TRAPPC4: variants seen among roughly 807,000 people sequenced by gnomAD.
The protein encoded by TRAPPC4 is trafficking protein particle complex subunit 4, also known as TRS23 homolog.
TRAPPC4 carries 30 observed loss-of-function variants against 23.5 expected under a neutral mutation model. The ratio of observed to expected loss-of-function variants is 1.28; its 90% CI spans 0.96 to 1.73. TRAPPC4 has a LOEUF of 1.73. TRAPPC4 is among the 40% of genes most tolerant of loss of function. The pLI is 0.00. For missense variants in TRAPPC4, 252 were observed against 268.9 expected, an observed-to-expected ratio of 0.94 and a Z score of 0.44; for synonymous variants, 129 against 105.3, an observed-to-expected ratio of 1.23 and a Z score of -1.38.
chr11:119,019,443 T>TCCA lies in TRAPPC4; in HGVS notation c.350+127_350+128insCAC, dbSNP rs147743604. 8,764 of 1,087,760 alleles carry TCCA rather than the reference T, an allele frequency of 8.1e-3. 464 individuals are homozygous for TCCA. In the African/African-American group the frequency reaches 0.12, roughly 15 times the overall value. The allele number at this position is 1,087,760 out of a possible 1,614,324, so 67.4% of individuals were successfully genotyped here. ...ATTTTAGGTAATAACGGCAGTGGTG[T>TCCA]CATCTTTTTTTGCTGGGTGGGGAGG... On this transcript the variant is annotated intron_variant, in intron 2 of 4. Transcript: ENST00000533632.
At chr11:119,023,295 T>C (rs1485811326) in intron 4 of TRAPPC4, 26 bp from the exon 5 acceptor site, 13 of 1,613,254 alleles carry the variant, frequency 8.1e-6, no homozygotes, top group Non-Finnish European at 1.1e-5. Context: ...CTCACACTTT[T>C]TTTCCTCACC....
intron 4 of TRAPPC4, 128 bp downstream of exon 4, chr11:119,022,014 C>G (rs1943372725): frequency 7.2e-6 from 9 of 1,245,596 alleles, no homozygotes; most frequent in Middle Eastern, 2.0e-4. Flanking sequence ...GACGGAGTTT[C>G]GCTCTTGTTG....
Position 119,021,781 on chromosome 11 carries a change from C to A in TRAPPC4, c.476C>A (p.Ala159Glu). ...TLTGIKFVVL[A>E]DPRQAGIDSL... ...CCAGGGATCAAGTTTGTGGTTCTAG[C>A]AGATCCTAGGCAAGCTGGAATAGAT... The change falls in exon 4 of 5, where the codon GCA becomes GAA. Residue 159 changes from alanine to glutamate, a missense_variant. Ala to Glu is a moderately radical substitution (Grantham distance 107). Transcript: ENST00000533632. 1 of 1,614,126 alleles carries A rather than the reference C, an allele frequency of 6.2e-7. No homozygotes were observed. The highest frequency in any genetic ancestry group is 8.5e-7 in the Non-Finnish European group (1 of 1,180,012).
intron 3 of TRAPPC4, chr11:119,021,268 G>A: frequency 6.5e-6 from 1 of 153,122 alleles, no homozygotes; most frequent in South Asian, 2.0e-4. Flanking sequence ...AACTGATTTT[G>A]TCCATGCCAC....
intron 2 of TRAPPC4, 36 bp from the exon 3 acceptor site, chr11:119,020,114 C>T (rs782713056): frequency 6.6e-7 from 1 of 1,525,374 alleles, no homozygotes; most frequent in Admixed American, 1.7e-5. Context: ...GAGAAGCACT[C>T]CTTCCTTAGA....
In TRAPPC4 at chr11:119,023,440, C is replaced by A; in HGVS notation, c.*41C>A. On this transcript the variant is annotated 3_prime_UTR_variant, in exon 5 of 5. Coordinates refer to ENST00000533632, the MANE Select transcript of TRAPPC4 (RefSeq NM_016146.6). ...GACCCCCAAATTCTGAGAGTTCCTG[C>A]AACAAGAATACTGCTGTTGACACTC... 1 of 1,587,410 alleles carries A rather than the reference C, an allele frequency of 6.3e-7. No individual in the cohort carries two copies. The highest frequency in any genetic ancestry group is 8.7e-7 in the Non-Finnish European group (1 of 1,155,988).
At chr11:119,022,103 G>T (rs1050284574) in intron 4 of TRAPPC4, among the ~76,000 whole-genome samples, 17 of 152,208 alleles carry the variant, frequency 1.1e-4, no homozygotes, top group African/African-American at 4.1e-4. Flanking sequence ...TCCTGGCTCA[G>T]CCTCCTGAGT....
intron 2 of TRAPPC4, 58 bp downstream of exon 2, chr11:119,019,375 C>A: frequency 6.4e-7 from 1 of 1,553,972 alleles, no homozygotes; most frequent in African/African-American, 1.4e-5. Context: ...TTTCTTAAAT[C>A]GTCGTTCTGG....
At position 119,021,789 on chromosome 11, in the gene TRAPPC4, A is replaced by C; in HGVS notation, c.484A>C (p.Arg162=). Residue 162 remains arginine (R), a synonymous_variant, in exon 4 of 5, where the codon AGG becomes CGG. Transcript: ENST00000533632. The part of the protein sequence containing the change: ...GIKFVVLADP[R]QAGIDSLLRK... The stretch of plus-strand genomic sequence containing the variant: ...CAAGTTTGTGGTTCTAGCAGATCCT[A>C]GGCAAGCTGGAATAGATTCTCTTCT... The C allele has an allele frequency of 6.2e-7, 1 of 1,614,188 alleles. No individual in the cohort carries two copies.
At chr11:119,019,087 C>A (rs781789888) in intron 1 of TRAPPC4, 56 bp from the exon 2 acceptor site, 71 of 1,597,170 alleles carry the variant, frequency 4.4e-5, no homozygotes, top group Admixed American at 1.2e-4. Flanking sequence ...GTCCCTTGTC[C>A]CCTCGGCGGA....
chr11:119,020,077 C>A, intron 2 of TRAPPC4, 73 bp from the exon 3 acceptor site: 3 of 1,092,630 alleles, frequency 2.7e-6, no homozygotes, highest in Admixed American at 1.8e-5. Context: ...AACTCCTCAG[C>A]AAATAGGGAC....
At chr11:119,020,052 C>G in intron 2 of TRAPPC4, 98 bp from the exon 3 acceptor site, 1 of 769,508 alleles carries the variant, frequency 1.3e-6, no homozygotes, top group Non-Finnish European at 2.2e-6. Flanking sequence ...CCTGACTGTC[C>G]CAGGCTGTAA....
rs1943473737 is a variant in TRAPPC4 at position 119,023,997 on chromosome 11, T to TA, written c.*599dup. The TA allele has an allele frequency of 6.6e-6, 1 of 152,582 alleles. No homozygotes were observed. Among genetic ancestry groups the TA allele is most frequent in the Non-Finnish European group, 1.5e-5 (1 of 68,428 alleles). 9.5% of individuals were successfully genotyped at this position (152,582 alleles called of 1,614,324 possible). On this transcript the variant is annotated 3_prime_UTR_variant, in exon 5 of 5. Transcript: ENST00000533632. ...CCTAACTCCAGGGGGTACATTCTGT[T>TA]ACAGATAAGAGATTTAGCAGACTTT...
At chr11:119,022,260 A>T (rs1352948831) in intron 4 of TRAPPC4, among the ~76,000 whole-genome samples, 2 of 152,192 alleles carry the variant, frequency 1.3e-5, no homozygotes, top group Non-Finnish European at 1.5e-5. Flanking sequence ...CTGGGATTAC[A>T]GGCGTGAGCC....
intron 1 of TRAPPC4, 31 bp downstream of exon 1, chr11:119,019,001 G>C (rs782090854): frequency 6.2e-6 from 10 of 1,603,194 alleles, no homozygotes; most frequent in African/African-American, 5.3e-5. Context: ...TGGCGGGTGC[G>C]GGGGTGGGAG....
At chr11:119,018,996 G>C (rs782766600) in intron 1 of TRAPPC4, 26 bp downstream of exon 1, 2 of 1,605,050 alleles carry the variant, frequency 1.2e-6, no homozygotes, top group Non-Finnish European at 1.7e-6. Flanking sequence ...GCCCGTGGCG[G>C]GTGCGGGGGT....
chr11:119,019,153 A>AG lies in TRAPPC4; in HGVS notation c.187dup (p.Val63GlyfsTer26). On this transcript the variant is annotated frameshift_variant, in exon 2 of 5. Coordinates refer to ENST00000533632, the MANE Select transcript of TRAPPC4 (RefSeq NM_016146.6). LOFTEE classifies it high-confidence loss of function. ...GCTTCACCTCTGCAGTGGGTCATGCAGTGCTGGCCATCAATGGCATGGACG... is the reference window on the plus strand; with the variant it reads ...GCTTCACCTCTGCAGTGGGTCATGCAGGTGCTGGCCATCAATGGCATGGACG... 1 of 1,614,138 alleles carries AG rather than the reference A, an allele frequency of 6.2e-7. No individual in the cohort carries two copies. Among genetic ancestry groups the AG allele is most frequent in the East Asian group, 2.2e-5 (1 of 44,882 alleles).
At position 119,018,791 on chromosome 11, in the gene TRAPPC4, C is replaced by T. The variant is rs530234663; in HGVS notation, c.-5C>T. 6.6e-5 allele frequency: 107 copies of T among 1,610,884 alleles called. No homozygotes were observed. The highest frequency in any genetic ancestry group is 8.0e-5 in the Non-Finnish European group (94 of 1,177,520). On this transcript the variant is annotated 5_prime_UTR_variant, in exon 1 of 5. Coordinates refer to ENST00000533632, the MANE Select transcript of TRAPPC4 (RefSeq NM_016146.6). ...GAATACCAGTTTCCGAGCGGCAAGG[C>T]AGCGATGGCGATTTTTAGTGTGTAT...
At chr11:119,021,680 T>C in intron 3 of TRAPPC4, 80 bp from the exon 4 acceptor site, 2 of 1,512,576 alleles carry the variant, frequency 1.3e-6, no homozygotes, top group Middle Eastern at 1.8e-4. Context: ...TTTGCAAAAT[T>C]GAAAGTGCTG....
Sources: gnomAD v4.1 joint callset for allele counts (sites outside exome capture counted in the v4.1 genomes callset) on GRCh38, gnomAD v4.1.1 for gene constraint, MANE v1.5 for transcripts, NCBI Gene and HGNC (gene_info 2026-07-23, HGNC 2026-07-21) for gene names.